CCDC187: variants seen among roughly 807,000 people sequenced by gnomAD.
CCDC187 encodes the protein coiled-coil domain containing 187.
CCDC187 carries 32 observed loss-of-function variants against 38.0 expected under a neutral mutation model. The observed-to-expected ratio is 0.84, with a 90% CI of 0.64 to 1.13. The LOEUF (loss-of-function observed/expected upper bound fraction) is 1.13, where lower values mean the gene tolerates loss of function less well. Ranked by LOEUF, CCDC187 falls within the 50% of genes most tolerant of loss-of-function variation. CCDC187 has a pLI of 0.00. For missense variants in CCDC187, 707 were observed against 786.8 expected (o/e 0.90, Z 1.21); for synonymous variants, 333 against 347.9 (o/e 0.96, Z 0.48).
chr9:136,266,838 T>G (rs1554761687), intron 16 of CCDC187: 1 of 152,080 alleles, frequency 6.6e-6, no homozygotes, highest in African/African-American at 2.4e-5. Flanking sequence ...ATCCCAGCAC[T>G]TTGAGAGGCC....
intron 4 of CCDC187, among the ~76,000 whole-genome samples, chr9:136,292,904 C>T (rs1374562281): frequency 5.9e-5 from 9 of 152,354 alleles, no homozygotes; most frequent in African/African-American, 1.9e-4. Flanking sequence ...CCCCACGTCC[C>T]GAGTACAAAC....
rs1370410506 is a variant in CCDC187, at chr9:136,294,222, A to ATATACACACGCCCTCACG, written c.833-1945_833-1928dup. The stretch of plus-strand genomic sequence containing the variant: ...TGCTCTCACACACACTCACACGCTC[A>ATATACACACGCCCTCACG]TATACACACGCCCTCACGTGGTCTC... On this transcript the variant is annotated intron_variant, in intron 4 of 25. Coordinates refer to ENST00000638797, the MANE Select transcript of CCDC187 (RefSeq NM_001378188.1). Among the ~76,000 whole-genome samples, 8 of 151,058 alleles carry ATATACACACGCCCTCACG rather than the reference A, an allele frequency of 5.3e-5. No homozygotes were observed. In the East Asian group the frequency reaches 7.8e-4, roughly 15 times the overall value.
Position 136,251,242 on chromosome 9 carries a change from C to T in CCDC187, c.*2352G>A. On this transcript the variant is annotated 3_prime_UTR_variant, in exon 26 of 26. Coordinates refer to ENST00000638797, the MANE Select transcript of CCDC187 (RefSeq NM_001378188.1). ...AATTACAGGGGTCCCAGTGAATCCTCTGGAAGCAAAGAAAAGTCCATGGCA... is the reference window on the plus strand; with the variant it reads ...AATTACAGGGGTCCCAGTGAATCCTTTGGAAGCAAAGAAAAGTCCATGGCA... The T allele has an allele frequency of 3.0e-6, 1 of 335,084 alleles. No individual in the cohort carries two copies. Among genetic ancestry groups the T allele is most frequent in the Non-Finnish European group, 6.0e-6 (1 of 167,510 alleles). The allele number at this position is 335,084 out of a possible 1,614,324, so 20.8% of individuals were successfully genotyped here. A position where few individuals can be genotyped will look rare whatever the true frequency, so the allele number is the denominator to read the frequency against.
intron 7 of CCDC187, 32 bp downstream of exon 7, chr9:136,289,927 G>A (rs1223781748): frequency 3.0e-5 from 11 of 369,200 alleles, no homozygotes; most frequent in South Asian, 2.9e-4. Flanking sequence ...GGCCCCGCCC[G>A]GCATGTGCAG....
chr9:136,263,811 A>T lies in CCDC187; in HGVS notation c.3736-13T>A, dbSNP rs1411007780. 1.0e-6 allele frequency: 1 copy of T among 985,386 alleles called. No homozygotes were observed. The highest frequency in any genetic ancestry group is 1.7e-5 in the African/African-American group (1 of 57,250). 61.0% of individuals were successfully genotyped at this position (985,386 alleles called of 1,614,324 possible). A position where few individuals can be genotyped will look rare whatever the true frequency, so the allele number is the denominator to read the frequency against. ...ATTGGATTTCCCTCTGAGCAGGCAA[A>T]ATAAGCAGATGTCAGCATAACCCCG... On this transcript the variant is annotated splice_polypyrimidine_tract_variant and intron_variant, in intron 17 of 25. Coordinates refer to ENST00000638797, the MANE Select transcript of CCDC187 (RefSeq NM_001378188.1).
chr9:136,293,664 TCA>T (rs1197100695), intron 4 of CCDC187, among the ~76,000 whole-genome samples: 2 of 147,946 alleles, frequency 1.4e-5, no homozygotes, highest in Admixed American at 6.8e-5. Context: ...TCACACTCTG[TCA>T]CACGCATGCC....
chr9:136,300,187 G>C, intron 3 of CCDC187, 33 bp downstream of exon 3: 1 of 398,550 alleles, frequency 2.5e-6, no homozygotes, highest in Non-Finnish European at 4.4e-6. Context: ...ATCCAACCCG[G>C]AGCACCAGGG....
At chr9:136,269,186 G>A (rs1293382310) in intron 14 of CCDC187, among the ~76,000 whole-genome samples, 1 of 152,188 alleles carries the variant, frequency 6.6e-6, no homozygotes, top group African/African-American at 2.4e-5. Context: ...AGGACCTTAG[G>A]ACTCCCAGGT....
chr9:136,305,589 G>A (rs1274211369), upstream of CCDC187, among the ~76,000 whole-genome samples: 1 of 152,184 alleles, frequency 6.6e-6, no homozygotes, highest in Non-Finnish European at 1.5e-5. Context: ...GAAGGGACAG[G>A]GGCAGGGTCC....
intron 14 of CCDC187, among the ~76,000 whole-genome samples, chr9:136,273,888 C>A (rs982581195): frequency 5.9e-5 from 9 of 152,252 alleles, no homozygotes; most frequent in Non-Finnish European, 1.2e-4. Flanking sequence ...ACCGCATCTG[C>A]CATGATCACA....
At chr9:136,299,246 C>A (rs1011705715) in intron 3 of CCDC187, among the ~76,000 whole-genome samples, 83 of 152,262 alleles carry the variant, frequency 5.5e-4, no homozygotes, top group African/African-American at 1.9e-3. Flanking sequence ...GAGGGGCCAG[C>A]CCTGGACCCC....
chr9:136,271,379 G>C (rs1830837056), intron 14 of CCDC187, among the ~76,000 whole-genome samples: 2 of 151,892 alleles, frequency 1.3e-5, no homozygotes. Context: ...AAATTAGCCG[G>C]GTGTGGTGGT....
chr9:136,251,043 G>T lies in CCDC187; in HGVS notation c.*2551C>A, dbSNP rs1554759317. 2.2e-6 allele frequency: 1 copy of T among 456,226 alleles called. No homozygotes were observed. Among genetic ancestry groups the T allele is most frequent in the Non-Finnish European group, 4.4e-6 (1 of 226,880 alleles). 28.3% of individuals were successfully genotyped at this position (456,226 alleles called of 1,614,324 possible). ...TGTGATGCCTCCCACCAGACTGCAT[G>T]CATAAAGTCTGGAGTATGCTCCTCT... On this transcript the variant is annotated 3_prime_UTR_variant, in exon 26 of 26. Coordinates refer to ENST00000638797, the MANE Select transcript of CCDC187 (RefSeq NM_001378188.1).
intron 20 of CCDC187, 43 bp from the exon 21 acceptor site, chr9:136,259,491 CTG>C: frequency 2.1e-6 from 2 of 950,124 alleles, no homozygotes; most frequent in Non-Finnish European, 2.5e-6. Context: ...CAACCACAGA[CTG>C]AGACCAGGAA....
At chr9:136,299,801 G>A (rs1222064399) in intron 3 of CCDC187, among the ~76,000 whole-genome samples, 1 of 152,196 alleles carries the variant, frequency 6.6e-6, no homozygotes, top group Admixed American at 6.5e-5. Flanking sequence ...TGGGCTGGGG[G>A]GGCAGTGCCT....
Position 136,286,527 on chromosome 9 carries a change from C to G in CCDC187, c.2391G>C (p.Met797Ile), listed in dbSNP as rs1306841318. Residue 797 changes from methionine to isoleucine, a missense_variant, in exon 8 of 26, where the codon ATG becomes ATC. Transcript: ENST00000638797. ...CCTCCTTTGGGTCCAGGTAGATGCACATCCCCCGGGGTAGGTAGCGGGTGG... is the reference window on the plus strand; with the variant it reads ...CCTCCTTTGGGTCCAGGTAGATGCAGATCCCCCGGGGTAGGTAGCGGGTGG... ...DLTTRYLPRGMCIYLDPKEAE... is the reference protein window; with the variant it reads ...DLTTRYLPRGICIYLDPKEAE... The G allele has an allele frequency of 2.5e-6, 1 of 398,654 alleles. No individual in the cohort carries two copies. The highest frequency in any genetic ancestry group is 4.4e-6 in the Non-Finnish European group (1 of 226,164). 24.7% of individuals were successfully genotyped at this position (398,654 alleles called of 1,614,324 possible).
chr9:136,283,036 G>A (rs1831083767), intron 9 of CCDC187, among the ~76,000 whole-genome samples: 2 of 152,210 alleles, frequency 1.3e-5, no homozygotes, highest in Non-Finnish European at 2.9e-5. Context: ...AGATCACAAG[G>A]TCAGGAGTTC....
In CCDC187 at chr9:136,254,250, CTG is replaced by C; in HGVS notation, c.5576_5577del (p.Thr1859ArgfsTer9). On this transcript the variant is annotated frameshift_variant, in exon 26 of 26. Coordinates refer to ENST00000638797, the MANE Select transcript of CCDC187 (RefSeq NM_001378188.1). LOFTEE classifies it low-confidence loss of function (END_TRUNC). ...TCAGGGGGTGCCTGGAGGGCTTCTC[CTG>C]TGTCTGACACCCCCATCAGGCTCTC... is the stretch of plus-strand genomic sequence containing the variant. ...TSESLMGVSD[T>X]GEALQAPPEA... 2.0e-6 allele frequency: 2 copies of C among 985,402 alleles called. No homozygotes were observed. The highest frequency in any genetic ancestry group is 2.4e-6 in the Non-Finnish European group (2 of 829,956). The allele number at this position is 985,402 out of a possible 1,614,324, so 61.0% of individuals were successfully genotyped here. A position where few individuals can be genotyped will look rare whatever the true frequency, so the allele number is the denominator to read the frequency against.
chr9:136,299,183 G>C (rs2131355124), intron 3 of CCDC187, among the ~76,000 whole-genome samples: 1 of 152,286 alleles, frequency 6.6e-6, no homozygotes, highest in South Asian at 2.1e-4. Context: ...TGGATGGACA[G>C]GAGTTCCCCG....
Sources: allele counts gnomAD v4.1 joint callset (sites outside exome capture counted in the v4.1 genomes callset), GRCh38; gene constraint gnomAD v4.1.1; transcripts MANE v1.5; gene names NCBI Gene and HGNC (gene_info 2026-07-23, HGNC 2026-07-21).